The following SYT12 variants were observed in gnomAD, a reference collection of about 807,000 sequenced individuals.
SYT12 encodes the protein synaptotagmin-12.
Under a neutral mutation model 39.5 loss-of-function variants are expected in SYT12, and 27 were observed. That is an observed-to-expected ratio of 0.68 (90% confidence interval 0.50 to 0.94). The LOEUF is 0.94. Ranked by LOEUF, SYT12 falls within the 40% of genes least tolerant of loss-of-function variation. The pLI, the probability that SYT12 is intolerant of heterozygous loss-of-function variation, is 0.00. For missense variants in SYT12, 536 were observed against 572.6 expected (o/e 0.94, Z 0.65); for synonymous variants, 233 against 239.7 (o/e 0.97, Z 0.26).
exon 1 of SYT12, chr11:67,007,112 G>T (rs941775096): frequency 6.6e-5 from 10 of 152,368 alleles, no homozygotes; most frequent in Admixed American, 3.9e-4. Context: ...GGTTAAGGGC[G>T]CCTGAACACC....
chr11:67,044,492 T>A, intron 5 of SYT12, 101 bp from the exon 6 acceptor site: 2 of 1,505,010 alleles, frequency 1.3e-6, no homozygotes, highest in Non-Finnish European at 1.8e-6. Flanking sequence ...CACTTCTCTA[T>A]GGAGAAGGAA....
At chr11:67,033,229 C>G (rs1327753978) in intron 2 of SYT12, among the ~76,000 whole-genome samples, 1 of 152,008 alleles carries the variant, frequency 6.6e-6, no homozygotes, top group Non-Finnish European at 1.5e-5. Context: ...CTCCTGTTGC[C>G]GTGGCCTGGC....
intron 2 of SYT12, chr11:67,030,557 A>G (rs895349847): frequency 9.5e-6 from 2 of 210,522 alleles, no homozygotes; most frequent in Admixed American, 1.1e-4. Context: ...CAGGAAGGTC[A>G]AGGTTAGATT....
At chr11:67,040,324 T>C (rs1950486335) in intron 4 of SYT12, 121 bp downstream of exon 4, 1 of 1,348,904 alleles carries the variant, frequency 7.4e-7, no homozygotes, top group Non-Finnish European at 1.0e-6. Flanking sequence ...GTATGGATGC[T>C]GATCCCAGAG....
chr11:67,015,477 G>T (rs1189909948), intron 3 of SYT12, among the ~76,000 whole-genome samples: 1 of 152,136 alleles, frequency 6.6e-6, no homozygotes, highest in Non-Finnish European at 1.5e-5. Flanking sequence ...GTGGTGGGGG[G>T]TTGTGGCATG....
At position 67,043,604 on chromosome 11, in the gene SYT12, C is replaced by A. The variant is rs529056618; in HGVS notation, c.622-34C>A. ...TGTCTCCCTGCTGTGGCCTCTCAGG[C>A]CCCTAGCGCCCTCCATGGCCTTTTC... On this transcript the variant is annotated intron_variant, in intron 4 of 7. Transcript: ENST00000527043. 2.5e-6 allele frequency: 4 copies of A among 1,607,234 alleles called. No homozygotes were observed. The African/African-American group carries it at 5.3e-5, about 21-fold the overall frequency.
At chr11:67,038,832 CA>C (rs1163228964) in intron 3 of SYT12, among the ~76,000 whole-genome samples, 1 of 150,612 alleles carries the variant, frequency 6.6e-6, no homozygotes, top group African/African-American at 2.4e-5. Context: ...ACTAAAAATA[CA>C]AAAATTAGCT....
chr11:67,011,512 G>GC (rs950444723), intron 3 of SYT12, among the ~76,000 whole-genome samples: 27 of 152,276 alleles, frequency 1.8e-4, no homozygotes, highest in African/African-American at 6.0e-4. Context: ...CAAAGTGCTG[G>GC]ATTACAGGCG....
At chr11:67,045,927 G>C (rs1854533417) in intron 7 of SYT12, 50 bp downstream of exon 7, 1 of 1,607,354 alleles carries the variant, frequency 6.2e-7, no homozygotes, top group South Asian at 1.1e-5. Context: ...CAGGGCTCTG[G>C]GGCTGCCGCA....
rs1342004485 is a variant in SYT12 at position 67,023,475 on chromosome 11, C to G, written c.-24+15C>G. 1.3e-5 allele frequency: 2 copies of G among 151,412 alleles called. No homozygotes were observed. Among genetic ancestry groups the G allele is most frequent in the Non-Finnish European group, 3.0e-5 (2 of 67,716 alleles). The allele number at this position is 151,412 out of a possible 1,614,324, so 9.4% of individuals were successfully genotyped here. On this transcript the variant is annotated intron_variant, in intron 1 of 7. Transcript: ENST00000527043. ...GCGGAGCCCGGGTGAGTACGCACCCCGCCGACCCCCGTGCGCGGCCGGGAT... is the reference window on the plus strand; with the variant it reads ...GCGGAGCCCGGGTGAGTACGCACCCGGCCGACCCCCGTGCGCGGCCGGGAT...
intron 2 of SYT12, among the ~76,000 whole-genome samples, chr11:67,034,011 C>T (rs943382279): frequency 6.6e-6 from 1 of 152,218 alleles, no homozygotes; most frequent in African/African-American, 2.4e-5. Context: ...CCTGCAGCCA[C>T]CTCTCACTTG....
Position 67,045,757 on chromosome 11 carries a change from G to A in SYT12, c.972G>A (p.Lys324=). Residue 324 remains lysine (K), a synonymous_variant, in exon 7 of 8, where the codon AAG becomes AAA. Coordinates refer to ENST00000527043, the MANE Select transcript of SYT12 (RefSeq NM_177963.4). The part of the protein sequence containing the change: ...NDKTTADPFV[K]VYLLQDGRKM... The stretch of plus-strand genomic sequence containing the variant: ...GCCTGCCCACAGACCCCTTCGTCAA[G>A]GTGTACCTGCTGCAGGATGGGAGGA... The A allele has an allele frequency of 1.2e-6, 2 of 1,613,936 alleles. No individual in the cohort carries two copies. The highest frequency in any genetic ancestry group is 1.7e-6 in the Non-Finnish European group (2 of 1,179,950).
At chr11:67,039,662 G>A (rs1480466489) in intron 3 of SYT12, 149 bp from the exon 4 acceptor site, 1 of 966,912 alleles carries the variant, frequency 1.0e-6, no homozygotes, top group East Asian at 2.4e-5. Context: ...ATTAAACAGC[G>A]ACCTTCCTAG....
intron 6 of SYT12, among the ~76,000 whole-genome samples, chr11:67,045,194 C>T (rs1950592539): frequency 6.7e-6 from 1 of 149,940 alleles, no homozygotes; most frequent in Admixed American, 6.8e-5. Context: ...CCTCTCAAAG[C>T]AGTGACCGTG....
intron 2 of SYT12, among the ~76,000 whole-genome samples, chr11:67,033,776 T>A (rs10160663): frequency 6.6e-6 from 1 of 152,134 alleles, no homozygotes; most frequent in Non-Finnish European, 1.5e-5. Context: ...TGGCTTCCTT[T>A]GGGGAAGCAG....
chr11:67,023,633 C>G (rs1282491131), intron 1 of SYT12, among the ~76,000 whole-genome samples, 173 bp downstream of exon 1: 1 of 152,134 alleles, frequency 6.6e-6, no homozygotes, highest in African/African-American at 2.4e-5. Context: ...ACCGCGCACG[C>G]TGGGCGCCCT....
chr11:67,041,004 T>A lies in SYT12; in HGVS notation c.621+801T>A, dbSNP rs190918810. Among the ~76,000 whole-genome samples the A allele has an allele frequency of 5.6e-3, 853 of 151,178 alleles. 8 individuals are homozygous for A. The highest frequency in any genetic ancestry group is 0.017 in the African/African-American group (707 of 41,146). ...AAAACTCCTTCTCTACCAAAAAAAATAAAATAAAATAAAATAAATTAGCTG... is the reference window on the plus strand; with the variant it reads ...AAAACTCCTTCTCTACCAAAAAAAAAAAAATAAAATAAAATAAATTAGCTG... On this transcript the variant is annotated intron_variant, in intron 4 of 7. Coordinates refer to ENST00000527043, the MANE Select transcript of SYT12 (RefSeq NM_177963.4).
chr11:67,040,237 T>G (rs1488808819), intron 4 of SYT12, 34 bp downstream of exon 4: 8 of 1,542,168 alleles, frequency 5.2e-6, no homozygotes, highest in Non-Finnish European at 7.0e-6. Context: ...AGAAGGGTGC[T>G]CTGGGCTCAC....
chr11:67,009,531 A>G (rs561658794), intron 1 of SYT12, among the ~76,000 whole-genome samples: 1 of 152,248 alleles, frequency 6.6e-6, no homozygotes, highest in African/African-American at 2.4e-5. Flanking sequence ...GCCTAAAGTG[A>G]TCCACCCACC....
Sources: gnomAD v4.1 joint callset for allele counts (sites outside exome capture counted in the v4.1 genomes callset) on GRCh38, gnomAD v4.1.1 for gene constraint, MANE v1.5 for transcripts, NCBI Gene and HGNC (gene_info 2026-07-23, HGNC 2026-07-21) for gene names.